The following B3GNT4 variants were observed in gnomAD, a reference collection of about 807,000 sequenced individuals.
B3GNT4 encodes UDP-GlcNAc:betaGal beta-1,3-N-acetylglucosaminyltransferase 4.
Under a neutral mutation model 2.7 loss-of-function variants are expected in B3GNT4, and 2 were observed. That is an observed-to-expected ratio of 0.73 (90% CI 0.30 to 2.31). The LOEUF is 2.31. Ranked by LOEUF, B3GNT4 falls within the 30% of genes most tolerant of loss-of-function variation. The probability of loss-of-function intolerance (pLI) is 0.12; values close to 1 mark genes in which losing one functional copy is unlikely to be tolerated. For missense variants in B3GNT4, 708 were observed against 490.9 expected (o/e 1.44, Z -4.18); for synonymous variants, 280 against 203.4 (o/e 1.38, Z -3.20).
rs1953889210 is a variant in B3GNT4 at position 122,204,537 on chromosome 12, C to T, written c.-82C>T. Reference sequence around the variant, plus strand: ...TCGTCCACAGCCCGCGGTGCTCGCACACCTGAGACTCATCTCGCTTCGACC... The same window carrying T: ...TCGTCCACAGCCCGCGGTGCTCGCATACCTGAGACTCATCTCGCTTCGACC... On this transcript the variant is annotated 5_prime_UTR_variant, in exon 2 of 3. Transcript: ENST00000324189. 2 of 1,223,704 alleles carry T rather than the reference C, an allele frequency of 1.6e-6. No homozygotes were observed. Among genetic ancestry groups the T allele is most frequent in the Non-Finnish European group, 2.4e-6 (2 of 843,248 alleles). The allele number at this position is 1,223,704 out of a possible 1,614,324, so 75.8% of individuals were successfully genotyped here.
Position 122,204,682 on chromosome 12 carries a change from A to G in B3GNT4, c.64A>G (p.Lys22Glu). The G allele has an allele frequency of 6.2e-7, 1 of 1,608,672 alleles. No homozygotes were observed. The highest frequency in any genetic ancestry group is 8.5e-7 in the Non-Finnish European group (1 of 1,175,516). ...GRGGRSGLLP[K>E]GPAMLCRLCW... The stretch of plus-strand genomic sequence containing the variant: ...GGGCGGTAGGAGTGGCCTTTTACCA[A>G]AGGTCAGATTCTTTCACCGCCTCTG... Residue 22 changes from lysine to glutamate, a missense_variant and splice_region_variant, in exon 2 of 3, where the codon AAG becomes GAG. Transcript: ENST00000324189.
rs1022351783 is a variant in B3GNT4 at position 122,207,447 on chromosome 12, G to A, written c.*59G>A. 46 of 1,410,260 alleles carry A rather than the reference G, an allele frequency of 3.3e-5. No individual in the cohort carries two copies. The highest frequency in any genetic ancestry group is 4.1e-5 in the Non-Finnish European group (44 of 1,061,122). 87.4% of individuals were successfully genotyped at this position (1,410,260 alleles called of 1,614,324 possible). On this transcript the variant is annotated 3_prime_UTR_variant, in exon 3 of 3. Transcript: ENST00000324189. ...CAGTGTTGATTCTCTATCGTGATGC[G>A]AAATTGATGCCTGCTGCTCTACAGA...
In B3GNT4 at chr12:122,206,702, C is replaced by G; in HGVS notation, c.451C>G (p.Arg151Gly). 1.9e-6 allele frequency: 3 copies of G among 1,610,590 alleles called. No homozygotes were observed. The highest frequency in any genetic ancestry group is 2.5e-6 in the Non-Finnish European group (3 of 1,178,222). Residue 151 changes from arginine to glycine, a missense_variant, in exon 3 of 3, where the codon CGG becomes GGG. Coordinates refer to ENST00000324189, the MANE Select transcript of B3GNT4 (RefSeq NM_030765.4). ...WGRVGGWARG[R>G]QLKLVFLLGV... ...CAGGGTGGGGGGATGGGCTAGGGGCCGGCAGCTGAAGCTGGTGTTCCTCCT... is the reference window on the plus strand; with the variant it reads ...CAGGGTGGGGGGATGGGCTAGGGGCGGGCAGCTGAAGCTGGTGTTCCTCCT...
In B3GNT4 at chr12:122,208,364, G is replaced by A. The variant is rs1220027230; in HGVS notation, c.*976G>A. 5 of 1,610,842 alleles carry A rather than the reference G, an allele frequency of 3.1e-6. No individual in the cohort carries two copies. The highest frequency in any genetic ancestry group is 4.2e-6 in the Non-Finnish European group (5 of 1,179,914). ...TTTCCCCACTGAGTGGGGAGACAGG[G>A]CAGTGTGCTCAGGCCCTCAATCCTC... On this transcript the variant is annotated 3_prime_UTR_variant, in exon 3 of 3. Transcript: ENST00000324189.
intron 2 of B3GNT4, chr12:122,204,903 G>A: frequency 1.8e-6 from 1 of 555,598 alleles, no homozygotes; most frequent in Non-Finnish European, 3.2e-6. Context: ...GGCCCTGCAC[G>A]CCTGTAGTCC....
Position 122,206,852 on chromosome 12 carries a change from C to T in B3GNT4, c.601C>T (p.Gln201Ter). 1 of 1,613,768 alleles carries T rather than the reference C, an allele frequency of 6.2e-7. No homozygotes were observed. Among genetic ancestry groups the T allele is most frequent in the South Asian group, 1.1e-5 (1 of 91,064 alleles). The part of the protein sequence containing the change: ...FNLTLKELHL[Q>*]RWVVAACPQA... The stretch of plus-strand genomic sequence containing the variant: ...CCTGACGCTCAAGGAGCTGCACCTG[C>T]AGCGCTGGGTGGTGGCTGCCTGCCC... The change falls in exon 3 of 3, where the codon CAG becomes TAG. Residue 201 changes from glutamine to a stop codon, truncating the protein, a stop_gained. Transcript: ENST00000324189. LOFTEE classifies it low-confidence loss of function (END_TRUNC).
rs1056237275 is a variant in B3GNT4, at chr12:122,207,081, G to C, written c.830G>C (p.Gly277Ala). ...GCCACCCACTACCCACCCTATGCTG[G>C]TGGGGGAGGATATGTCATGTCCAGA... ...YRATHYPPYA[G>A]GGGYVMSRAT... is the part of the protein sequence containing the mutation. Residue 277 changes from glycine (G) to alanine (A), a missense_variant, in exon 3 of 3, where the codon GGT becomes GCT. By Grantham distance (60) the Gly-to-Ala change is moderately conservative (BLOSUM62 0). Transcript: ENST00000324189. The C allele has an allele frequency of 1.9e-6, 3 of 1,613,968 alleles. No homozygotes were observed. The African/African-American group carries it at 4.0e-5, about 22-fold the overall frequency.
rs1209522539 is a variant in B3GNT4, at chr12:122,206,395, C to T, written c.144C>T (p.Phe48=). 1 of 1,613,010 alleles carries T rather than the reference C, an allele frequency of 6.2e-7. No individual in the cohort carries two copies. Among genetic ancestry groups the T allele is most frequent in the Non-Finnish European group, 8.5e-7 (1 of 1,179,806 alleles). The part of the protein sequence containing the change: ...LAVLLLGCLL[F]LRKAAKPAGD... ...TGCTGTTGCTCGGCTGCCTGCTCTT[C>T]CTGAGGAAGGCGGCCAAGCCCGCAG... Residue 48 remains phenylalanine, a synonymous_variant, in exon 3 of 3, where the codon TTC becomes TTT. Transcript: ENST00000324189.
intron 2 of B3GNT4, chr12:122,205,533 T>C (rs1231722828): frequency 3.3e-5 from 5 of 152,422 alleles, no homozygotes; most frequent in Non-Finnish European, 2.9e-5. Context: ...GGGACAAAAA[T>C]GAGAAACTGA....
In B3GNT4 at chr12:122,206,708, C is replaced by T. The variant is rs746006136; in HGVS notation, c.457C>T (p.Leu153=). Residue 153 remains leucine (L), a synonymous_variant, in exon 3 of 3, where the codon CTG becomes TTG. Transcript: ENST00000324189. The part of the protein sequence containing the change: ...RVGGWARGRQ[L]KLVFLLGVAG... ...GGGGGGATGGGCTAGGGGCCGGCAG[C>T]TGAAGCTGGTGTTCCTCCTAGGGGT... The T allele has an allele frequency of 3.1e-6, 5 of 1,610,056 alleles. No individual in the cohort carries two copies. In the East Asian group the frequency reaches 1.1e-4, roughly 36 times the overall value.
rs575840970 is a variant in B3GNT4 at position 122,208,216 on chromosome 12, A to T, written c.*828A>T. On this transcript the variant is annotated 3_prime_UTR_variant, in exon 3 of 3. Coordinates refer to ENST00000324189, the MANE Select transcript of B3GNT4 (RefSeq NM_030765.4). ...GAACCAGGTCCAGCGCAAGCCTGAG[A>T]CCACAGGAGGCACTCACAGCTCACA... The T allele has an allele frequency of 3.1e-5, 25 of 801,572 alleles. No individual in the cohort carries two copies. The highest frequency in any genetic ancestry group is 3.4e-4 in the Middle Eastern group (1 of 2,944). 49.7% of individuals were successfully genotyped at this position (801,572 alleles called of 1,614,324 possible). A position where few individuals can be genotyped will look rare whatever the true frequency, so the allele number is the denominator to read the frequency against.
In B3GNT4 at chr12:122,207,045, C is replaced by A. The variant is rs529236293; in HGVS notation, c.794C>A (p.Ser265Ter). Residue 265 changes from serine to a stop codon, truncating the protein, a stop_gained, in exon 3 of 3, where the codon TCA (serine) becomes TAA (stop). Coordinates refer to ENST00000324189, the MANE Select transcript of B3GNT4 (RefSeq NM_030765.4). LOFTEE classifies it low-confidence loss of function (END_TRUNC). ...NTKVKYFIPPSMYRATHYPPY... is the reference protein window; with the variant it reads ...NTKVKYFIPP ...AAGGTCAAATACTTCATCCCACCCT[C>A]AATGTACAGGGCCACCCACTACCCA... The A allele has an allele frequency of 9.3e-6, 15 of 1,613,840 alleles. No individual in the cohort carries two copies. The South Asian group carries it at 1.6e-4, about 18-fold the overall frequency.
chr12:122,205,691 G>C (rs1227814746), intron 2 of B3GNT4: 1 of 152,478 alleles, frequency 6.6e-6, no homozygotes, highest in Non-Finnish European at 1.5e-5. Flanking sequence ...CCTGATACAA[G>C]TCCCCAGCTT....
rs769214227 is a variant in B3GNT4, at chr12:122,208,762, C to A, written c.*1374C>A. The stretch of plus-strand genomic sequence containing the variant: ...TATGTTCAGGTCTGGATTTAACTGA[C>A]ACTCTGTCAAAAACAGCATTTTTCT... On this transcript the variant is annotated 3_prime_UTR_variant, in exon 3 of 3. Transcript: ENST00000324189. The A allele has an allele frequency of 1.4e-6, 1 of 706,564 alleles. No homozygotes were observed. The highest frequency in any genetic ancestry group is 2.5e-6 in the Non-Finnish European group (1 of 392,318). 43.8% of individuals were successfully genotyped at this position (706,564 alleles called of 1,614,324 possible). A position where few individuals can be genotyped will look rare whatever the true frequency, so the allele number is the denominator to read the frequency against.
chr12:122,203,824 G>C (rs538841901), intron 1 of B3GNT4, 23 bp downstream of exon 1: 1 of 164,714 alleles, frequency 6.1e-6, no homozygotes, highest in South Asian at 2.0e-4. Context: ...CCGGGACGCC[G>C]CTGCTGTGAG....
Position 122,208,681 on chromosome 12 carries a change from G to A in B3GNT4, c.*1293G>A. ...TGTGGCTGTCATCTGAACCCCTCTT[G>A]GGGTCACTTTCCTTGACCTCCCTGT... is the stretch of plus-strand genomic sequence containing the variant. On this transcript the variant is annotated 3_prime_UTR_variant, in exon 3 of 3. Coordinates refer to ENST00000324189, the MANE Select transcript of B3GNT4 (RefSeq NM_030765.4). 8.4e-7 allele frequency: 1 copy of A among 1,189,310 alleles called. No individual in the cohort carries two copies. The highest frequency in any genetic ancestry group is 1.2e-6 in the Non-Finnish European group (1 of 827,058). 73.7% of individuals were successfully genotyped at this position (1,189,310 alleles called of 1,614,324 possible).
chr12:122,206,493 C>G lies in B3GNT4; in HGVS notation c.242C>G (p.Thr81Arg). ...CACAGCCGGTGTCCACCCAACCACACAGTGTCTAGCGCCTCTCTGTCCCTG... is the reference window on the plus strand; with the variant it reads ...CACAGCCGGTGTCCACCCAACCACAGAGTGTCTAGCGCCTCTCTGTCCCTG... ...PRHSRCPPNHTVSSASLSLPS... is the reference protein window; with the variant it reads ...PRHSRCPPNHRVSSASLSLPS... Residue 81 changes from threonine to arginine, a missense_variant, in exon 3 of 3, where the codon ACA (threonine) becomes AGA (arginine). Coordinates refer to ENST00000324189, the MANE Select transcript of B3GNT4 (RefSeq NM_030765.4). The G allele has an allele frequency of 6.2e-7, 1 of 1,614,222 alleles. No individual in the cohort carries two copies. Among genetic ancestry groups the G allele is most frequent in the Non-Finnish European group, 8.5e-7 (1 of 1,180,042 alleles).
intron 2 of B3GNT4, chr12:122,205,144 G>A (rs1309281420): frequency 1.8e-5 from 3 of 163,398 alleles, no homozygotes; most frequent in African/African-American, 4.8e-5. Flanking sequence ...GGAGCTGCCT[G>A]ACTCTGCCCA....
rs138745438 is a variant in B3GNT4, at chr12:122,206,896, A to G, written c.645A>G (p.Leu215=). 1 of 1,614,018 alleles carries G rather than the reference A, an allele frequency of 6.2e-7. No individual in the cohort carries two copies. Among genetic ancestry groups the G allele is most frequent in the Non-Finnish European group, 8.5e-7 (1 of 1,180,016 alleles). ...CCTGCCCCCAGGCCCATTTCATGCT[A>G]AAGGGAGATGACGATGTCTTTGTCC... is the stretch of plus-strand genomic sequence containing the variant. ...VAACPQAHFM[L]KGDDDVFVHV... Residue 215 remains leucine, a synonymous_variant, in exon 3 of 3, where the codon CTA becomes CTG. Coordinates refer to ENST00000324189, the MANE Select transcript of B3GNT4 (RefSeq NM_030765.4).
Sources: gnomAD v4.1 joint callset for allele counts on GRCh38, gnomAD v4.1.1 for gene constraint, MANE v1.5 for transcripts, NCBI Gene and HGNC (gene_info 2026-07-23, HGNC 2026-07-21) for gene names.